COL16A1: variants seen among roughly 807,000 people sequenced by gnomAD.
COL16A1 encodes collagen type XVI alpha 1 chain.
A neutral mutation model predicts 266.3 loss-of-function variants in COL16A1; 189 were observed. That is an observed-to-expected ratio of 0.71 (90% confidence interval 0.63 to 0.80). The LOEUF is 0.80. Among genes scored for constraint, COL16A1 ranks in the 30% least tolerant of loss-of-function variants. COL16A1 has a pLI of 0.00. For missense variants in COL16A1, 1,928 were observed against 2,122.4 expected (o/e 0.91, Z 1.80); for synonymous variants, 740 against 782.3 (o/e 0.95, Z 0.90).
Position 31,670,197 on chromosome 1 carries a change from A to C in COL16A1, c.3195+405T>G. 1 of 189,464 alleles carries C rather than the reference A, an allele frequency of 5.3e-6. No individual in the cohort carries two copies. The highest frequency in any genetic ancestry group is 1.1e-5 in the Non-Finnish European group (1 of 92,984). 11.7% of individuals were successfully genotyped at this position (189,464 alleles called of 1,614,324 possible). A position where few individuals can be genotyped will look rare whatever the true frequency, so the allele number is the denominator to read the frequency against. ...ACTACTTTCAGCAAATCTTCAGGCA[A>C]CGCCGAAGGTGGTGAGAAGCAGGAG... On this transcript the variant is annotated intron_variant, in intron 49 of 70. Transcript: ENST00000373672. This position sits in a 1 kb window ranked among gnomAD's most constrained non-coding sequence, Gnocchi z 4.5.
At chr1:31,703,640 C>T (rs1399891010) in intron 1 of COL16A1, among the ~76,000 whole-genome samples, 197 bp downstream of exon 1, 2 of 152,158 alleles carry the variant, frequency 1.3e-5, no homozygotes, top group South Asian at 2.1e-4. Context: ...TCCAAGGAGA[C>T]GGCTCACCCC....
In COL16A1 at chr1:31,702,231, A is replaced by G; in HGVS notation, c.-34-4T>C. 6.2e-7 allele frequency: 1 copy of G among 1,613,646 alleles called. No individual in the cohort carries two copies. The highest frequency in any genetic ancestry group is 8.5e-7 in the Non-Finnish European group (1 of 1,179,686). The stretch of plus-strand genomic sequence containing the variant: ...AGGTCAGCTACAGCCACAGCACCTG[A>G]AAACCACAGAGACCGGGAAGGCGGA... On this transcript the variant is annotated splice_polypyrimidine_tract_variant and splice_region_variant and intron_variant, in intron 1 of 70. Coordinates refer to ENST00000373672, the MANE Select transcript of COL16A1 (RefSeq NM_001856.4).
At position 31,657,222 on chromosome 1, in the gene COL16A1, G is replaced by A. The variant is rs1641244328; in HGVS notation, c.4021-154C>T. 2.2e-6 allele frequency: 2 copies of A among 896,578 alleles called. No homozygotes were observed. The highest frequency in any genetic ancestry group is 3.5e-6 in the Non-Finnish European group (2 of 567,546). 55.5% of individuals were successfully genotyped at this position (896,578 alleles called of 1,614,324 possible). ...CTCTGACAATCTGGGCACAGGCCGT[G>A]GAAACTTAGACCCCCACCCCATACT... On this transcript the variant is annotated intron_variant, in intron 64 of 70. Coordinates refer to ENST00000373672, the MANE Select transcript of COL16A1 (RefSeq NM_001856.4). The surrounding 1 kb of genome is among the most constrained non-coding windows in gnomAD (Gnocchi z 6.4).
rs573744017 is a variant in COL16A1, at chr1:31,668,202, G to T, written c.3266C>A (p.Pro1089Gln). The T allele has an allele frequency of 1.9e-6, 3 of 1,613,294 alleles. No individual in the cohort carries two copies. Among genetic ancestry groups the T allele is most frequent in the South Asian group, 2.2e-5 (2 of 90,994 alleles). Residue 1089 changes from proline (P) to glutamine (Q), a missense_variant, in exon 51 of 71, where the codon CCA (proline) becomes CAA (glutamine). This residue lies in a region of COL16A1 where 1,552 missense variants were observed against 1,637.2 expected (regional missense o/e 0.95). Transcript: ENST00000373672. The surrounding 1 kb of genome is among the most constrained non-coding windows in gnomAD (Gnocchi z 5.8). ...DKGEPGPPGQPGYPGATGPPG... is the reference protein window; with the variant it reads ...DKGEPGPPGQQGYPGATGPPG... ...GGGGCCCGTGGCACCTGGGTAACCT[G>T]GTTGCCCTGGAGGACCCTGCAAAGA...
At chr1:31,695,293 C>T in intron 10 of COL16A1, 72 bp from the exon 11 acceptor site, 2 of 1,432,166 alleles carry the variant, frequency 1.4e-6, no homozygotes, top group South Asian at 1.2e-5. Flanking sequence ...TCCATCACCA[C>T]CAGGCCCACA....
At position 31,679,619 on chromosome 1, in the gene COL16A1, T is replaced by C. The variant is rs753328608; in HGVS notation, c.2772+13A>G. Reference sequence around the variant, plus strand: ...CTGCCACCCAAGCTCCTCATTCTCTTCTCCCCCTTTACCTGCAGCCCAGGT... The same window carrying C: ...CTGCCACCCAAGCTCCTCATTCTCTCCTCCCCCTTTACCTGCAGCCCAGGT... On this transcript the variant is annotated intron_variant, in intron 42 of 70. Coordinates refer to ENST00000373672, the MANE Select transcript of COL16A1 (RefSeq NM_001856.4). 8 of 1,613,964 alleles carry C rather than the reference T, an allele frequency of 5.0e-6. No homozygotes were observed. The Admixed American group carries it at 1.3e-4, about 27-fold the overall frequency.
At position 31,683,995 on chromosome 1, in the gene COL16A1, G is replaced by A. The variant is rs757782497; in HGVS notation, c.2292C>T (p.Pro764=). The change falls in exon 33 of 71, where the codon CCC becomes CCT. Residue 764 remains proline (P), a synonymous_variant. Transcript: ENST00000373672. ...GGGGCCCTTGAACTCCTGGTAGACC[G>A]GGTTGGCCCTAAAAGGCATAAGGTG... ...GVGRPGKPGQ[P]GLPGVQGPPG... is the part of the protein sequence containing the mutation. The A allele has an allele frequency of 8.7e-6, 14 of 1,614,058 alleles. No individual in the cohort carries two copies. The highest frequency in any genetic ancestry group is 4.4e-5 in the South Asian group (4 of 91,084).
intron 56 of COL16A1, 25 bp downstream of exon 56, chr1:31,665,147 T>C: frequency 1.2e-6 from 2 of 1,603,352 alleles, no homozygotes; most frequent in Non-Finnish European, 1.7e-6. Flanking sequence ...GATCTGTGAC[T>C]TTGCCAACCC....
At position 31,673,383 on chromosome 1, in the gene COL16A1, C is replaced by A. The variant is rs369616623; in HGVS notation, c.2860-543G>T. Reference sequence around the variant, plus strand: ...GCTTTAACCTTCTTTGGGTCACAGACCCCTCTGAGAGTTTGATGGAAGCTA... The same window carrying A: ...GCTTTAACCTTCTTTGGGTCACAGAACCCTCTGAGAGTTTGATGGAAGCTA... On this transcript the variant is annotated intron_variant, in intron 44 of 70. Transcript: ENST00000373672. Among the ~76,000 whole-genome samples the A allele has an allele frequency of 1.3e-4, 20 of 152,302 alleles. No homozygotes were observed. The East Asian group carries it at 3.5e-3, about 26-fold the overall frequency.
rs758824940 is a variant in COL16A1, at chr1:31,670,778, A to G, written c.3151-132T>C. 5.8e-6 allele frequency: 4 copies of G among 687,116 alleles called. No individual in the cohort carries two copies. The highest frequency in any genetic ancestry group is 8.6e-6 in the Non-Finnish European group (4 of 463,624). 42.6% of individuals were successfully genotyped at this position (687,116 alleles called of 1,614,324 possible). ...AGTATTTTCAAGGCAGCTGGAAAAG[A>G]GACTCCTTGAAAGTCTTGGCTCAAA... On this transcript the variant is annotated intron_variant, in intron 48 of 70. Coordinates refer to ENST00000373672, the MANE Select transcript of COL16A1 (RefSeq NM_001856.4). This position sits in a 1 kb window ranked among gnomAD's most constrained non-coding sequence, Gnocchi z 4.5.
Position 31,699,989 on chromosome 1 carries a change from A to C in COL16A1, c.148+52T>G, listed in dbSNP as rs1019601287. ...GAGCAGGTGGAGAGGGGTACAGATC[A>C]CTCCCAGAGGAAGGTTGCAGGGACG... On this transcript the variant is annotated intron_variant, in intron 3 of 70. Coordinates refer to ENST00000373672, the MANE Select transcript of COL16A1 (RefSeq NM_001856.4). The C allele has an allele frequency of 8.1e-6, 13 of 1,605,570 alleles. No individual in the cohort carries two copies. The South Asian group carries it at 9.9e-5, about 12-fold the overall frequency.
chr1:31,687,905 T>G (rs1413410013), intron 26 of COL16A1, among the ~76,000 whole-genome samples: 1 of 152,182 alleles, frequency 6.6e-6, no homozygotes, highest in Non-Finnish European at 1.5e-5. Flanking sequence ...AAGCCTGCCA[T>G]TTGTCTCCAA....
At chr1:31,669,791 TG>T in intron 49 of COL16A1, 1 of 152,262 alleles carries the variant, frequency 6.6e-6, no homozygotes, top group Non-Finnish European at 1.5e-5. Flanking sequence ...ACAATGAGGC[TG>T]GGGGTGATGT....
chr1:31,696,906 G>A (rs1644526857), intron 8 of COL16A1, 57 bp downstream of exon 8: 1 of 1,607,580 alleles, frequency 6.2e-7, no homozygotes, highest in Non-Finnish European at 8.5e-7. Context: ...CAGCTCAGGG[G>A]AGGGGTATCT....
chr1:31,687,467 G>A (rs1006822154), intron 26 of COL16A1, among the ~76,000 whole-genome samples: 22 of 151,468 alleles, frequency 1.5e-4, no homozygotes, highest in Admixed American at 4.6e-4. Flanking sequence ...CCGGACTGCT[G>A]CAGGGCTACA....
intron 39 of COL16A1, among the ~76,000 whole-genome samples, 160 bp downstream of exon 39, chr1:31,680,745 C>G (rs1370447852): frequency 6.6e-6 from 1 of 152,138 alleles, no homozygotes; most frequent in African/African-American, 2.4e-5. Flanking sequence ...TCCTCCACCC[C>G]CATCCTCCAG....
chr1:31,660,954 TGAG>T (rs1394184116), intron 61 of COL16A1, 109 bp downstream of exon 61: 1 of 1,229,954 alleles, frequency 8.1e-7, no homozygotes, highest in African/African-American at 1.5e-5. Flanking sequence ...CCCAGAAGGC[TGAG>T]GACAGAAAGC....
chr1:31,665,763 C>T, intron 54 of COL16A1, 119 bp downstream of exon 54: 1 of 1,598,266 alleles, frequency 6.3e-7, no homozygotes, highest in South Asian at 1.1e-5. Context: ...AGGTGAGGCT[C>T]TGGGCATGAG....
intron 26 of COL16A1, 152 bp from the exon 27 acceptor site, chr1:31,686,431 A>G: frequency 9.1e-7 from 1 of 1,095,354 alleles, no homozygotes; most frequent in East Asian, 2.6e-5. Context: ...AAGGTCCCCA[A>G]GGGAGTCTGT....
Sources: gnomAD v4.1 joint callset for allele counts (sites outside exome capture counted in the v4.1 genomes callset) on GRCh38, gnomAD v4.1.1 for gene constraint, gnomAD v4.1.1 regional missense constraint, Gnocchi (gnomAD v3.1) non-coding constraint, MANE v1.5 for transcripts, NCBI Gene and HGNC (gene_info 2026-07-23, HGNC 2026-07-21) for gene names.